The following SPOCK2 variants were observed in gnomAD, a reference collection of about 807,000 sequenced individuals.
The protein encoded by SPOCK2 is testican-2.
A neutral mutation model predicts 60.1 loss-of-function variants in SPOCK2; 39 were observed. That is an observed-to-expected ratio of 0.65 (90% CI 0.50 to 0.85). The LOEUF is 0.85. SPOCK2 is among the 40% of genes least tolerant of loss of function. The pLI, the probability that SPOCK2 is intolerant of heterozygous loss-of-function variation, is 0.00. For missense variants in SPOCK2, 523 were observed against 567.4 expected (o/e 0.92, Z 0.80); for synonymous variants, 217 against 231.5 (o/e 0.94, Z 0.57).
intron 1 of SPOCK2, among the ~76,000 whole-genome samples, chr10:72,079,392 A>C (rs1589124400): frequency 6.6e-6 from 1 of 151,750 alleles, no homozygotes; most frequent in African/African-American, 2.4e-5. Context: ...AGGGGAAGAC[A>C]CCTGGGGGCC....
chr10:72,078,983 A>G (rs933737206), intron 1 of SPOCK2, among the ~76,000 whole-genome samples: 8 of 152,210 alleles, frequency 5.3e-5, no homozygotes, highest in Admixed American at 5.2e-4. Flanking sequence ...ACTCCTAACA[A>G]TAGCTGACAT....
intron 7 of SPOCK2, 95 bp from the exon 8 acceptor site, chr10:72,067,215 T>A: frequency 2.3e-6 from 3 of 1,281,982 alleles, no homozygotes; most frequent in Non-Finnish European, 3.2e-6. Context: ...CCCAGCCCTC[T>A]ATTCTGGGTC....
chr10:72,081,519 T>C (rs1401587531), intron 1 of SPOCK2, among the ~76,000 whole-genome samples: 1 of 152,172 alleles, frequency 6.6e-6, no homozygotes, highest in Non-Finnish European at 1.5e-5. Context: ...GTCTCCACCA[T>C]CCACATGTCT....
At chr10:72,073,766 A>T (rs1248003493) in intron 1 of SPOCK2, among the ~76,000 whole-genome samples, 1 of 152,242 alleles carries the variant, frequency 6.6e-6, no homozygotes, top group African/African-American at 2.4e-5. Flanking sequence ...TGGACCGCAG[A>T]GTGGCCAGAG....
Position 72,088,346 on chromosome 10 carries a change from CT to C in SPOCK2, c.-19del, listed in dbSNP as rs1840894598. The C allele has an allele frequency of 1.0e-5, 15 of 1,497,732 alleles. No homozygotes were observed. Among genetic ancestry groups the C allele is most frequent in the Non-Finnish European group, 1.3e-5 (15 of 1,139,078 alleles). The allele number at this position is 1,497,732 out of a possible 1,614,324, so 92.8% of individuals were successfully genotyped here. A position where few individuals can be genotyped will look rare whatever the true frequency, so the allele number is the denominator to read the frequency against. On this transcript the variant is annotated 5_prime_UTR_variant, in exon 1 of 11. Transcript: ENST00000373109. ...GCGCGCATCGTGGTCTGGGTTCGAC[CT>C]GGGGGGGTCTTGACTTCTGCAGTAT...
intron 1 of SPOCK2, among the ~76,000 whole-genome samples, chr10:72,077,741 G>C (rs972371346): frequency 2.0e-5 from 3 of 152,168 alleles, no homozygotes; most frequent in Non-Finnish European, 4.4e-5. Context: ...GGCCCTGGGA[G>C]AACCCAGGCT....
At chr10:72,075,045 G>A (rs1840698345) in intron 1 of SPOCK2, among the ~76,000 whole-genome samples, 1 of 152,054 alleles carries the variant, frequency 6.6e-6, no homozygotes. Context: ...TGAGCCCCCA[G>A]GCAAGCCTCT....
At chr10:72,068,337 G>A in intron 5 of SPOCK2, 36 bp from the exon 6 acceptor site, 2 of 1,557,592 alleles carry the variant, frequency 1.3e-6, no homozygotes, top group Non-Finnish European at 1.7e-6. Context: ...GGGACTGAGG[G>A]CTTACCCCAG....
chr10:72,068,483 G>A (rs183929611), intron 5 of SPOCK2, among the ~76,000 whole-genome samples, 182 bp from the exon 6 acceptor site: 1 of 152,276 alleles, frequency 6.6e-6, no homozygotes, highest in Admixed American at 6.5e-5. Flanking sequence ...AGAGAAGCAG[G>A]GCCCGGGAAG....
chr10:72,062,453 C>T lies in SPOCK2; in HGVS notation c.*307G>A, dbSNP rs1840503653. The stretch of plus-strand genomic sequence containing the variant: ...AAACCAACAACAAAAGGAAAGAAAA[C>T]AGCTACAAGGAGGCCGAAGGGGCCT... On this transcript the variant is annotated 3_prime_UTR_variant, in exon 11 of 11. Transcript: ENST00000373109. This position sits in a 1 kb window ranked among gnomAD's most constrained non-coding sequence, Gnocchi z 4.3. 4.9e-6 allele frequency: 2 copies of T among 408,486 alleles called. No individual in the cohort carries two copies. Among genetic ancestry groups the T allele is most frequent in the South Asian group, 6.0e-5 (1 of 16,546 alleles). 25.3% of individuals were successfully genotyped at this position (408,486 alleles called of 1,614,324 possible). A position where few individuals can be genotyped will look rare whatever the true frequency, so the allele number is the denominator to read the frequency against.
chr10:72,063,519 C>T (rs1281195635), intron 9 of SPOCK2, among the ~76,000 whole-genome samples: 1 of 152,234 alleles, frequency 6.6e-6, no homozygotes, highest in Non-Finnish European at 1.5e-5. Flanking sequence ...TTCCGCCGGC[C>T]TGGCTGTCCC....
chr10:72,062,624 G>A lies in SPOCK2; in HGVS notation c.*136C>T. 1 of 1,469,754 alleles carries A rather than the reference G, an allele frequency of 6.8e-7. No homozygotes were observed. Among genetic ancestry groups the A allele is most frequent in the East Asian group, 2.3e-5 (1 of 43,974 alleles). The allele number at this position is 1,469,754 out of a possible 1,614,324, so 91.0% of individuals were successfully genotyped here. On this transcript the variant is annotated 3_prime_UTR_variant, in exon 11 of 11. Transcript: ENST00000373109. The surrounding 1 kb of genome is among the most constrained non-coding windows in gnomAD (Gnocchi z 4.3). The stretch of plus-strand genomic sequence containing the variant: ...GCCATCTGTGCCACACACATGCCAT[G>A]CACACTCACACTCCCAGTCCCCCCA...
chr10:72,075,701 T>G (rs1224425123), intron 1 of SPOCK2, among the ~76,000 whole-genome samples: 3 of 152,166 alleles, frequency 2.0e-5, no homozygotes, highest in Non-Finnish European at 4.4e-5. Context: ...GCCCCTTCTG[T>G]GCAAAGCACT....
rs1049247865 is a variant in SPOCK2 at position 72,087,247 on chromosome 10, C to G, written c.189+893G>C. On this transcript the variant is annotated intron_variant, in intron 1 of 10. Coordinates refer to ENST00000373109, the MANE Select transcript of SPOCK2 (RefSeq NM_001244950.2). The surrounding 1 kb of genome is among the most constrained non-coding windows in gnomAD (Gnocchi z 4.7). ...CGCCGGGCCGCCGCCTGCGACTTCC[C>G]CTCTGATCCACAGGTGCCGGTAAAC... Among the ~76,000 whole-genome samples, 1 of 152,084 alleles carries G rather than the reference C, an allele frequency of 6.6e-6. No individual in the cohort carries two copies. The highest frequency in any genetic ancestry group is 1.5e-5 in the Non-Finnish European group (1 of 68,004).
At chr10:72,067,826 G>A in intron 6 of SPOCK2, 94 bp from the exon 7 acceptor site, 1 of 1,527,716 alleles carries the variant, frequency 6.5e-7, no homozygotes, top group Non-Finnish European at 8.8e-7. Context: ...CCAGGAGGCT[G>A]GGCAGGGGTC....
chr10:72,088,242 G>GAGC lies in SPOCK2; in HGVS notation c.84_86dup (p.Leu29dup). The GAGC allele has an allele frequency of 6.2e-7, 1 of 1,611,400 alleles. No individual in the cohort carries two copies. Among genetic ancestry groups the GAGC allele is most frequent in the South Asian group, 1.1e-5 (1 of 90,882 alleles). On this transcript the variant is annotated inframe_insertion, in exon 1 of 11. Transcript: ENST00000373109. ...AATTGCCGGGGGTCTCGCCCTCCTT[G>GAGC]AGCCCCTTGGCGTCGCCTTCGGCCA...
chr10:72,066,736 TTAAGGGATGAAGCCC>T (rs898768790), intron 8 of SPOCK2, among the ~76,000 whole-genome samples, 151 bp downstream of exon 8: 1 of 152,132 alleles, frequency 6.6e-6, no homozygotes, highest in African/African-American at 2.4e-5. Flanking sequence ...TCCCTGGGCC[TTAAGGGATGAAGCCC>T]TAAGGGAGTG....
intron 1 of SPOCK2, among the ~76,000 whole-genome samples, chr10:72,085,632 C>T (rs2131824925): frequency 6.6e-6 from 1 of 152,258 alleles, no homozygotes; most frequent in East Asian, 1.9e-4. Flanking sequence ...ACTCGTCCTG[C>T]TTGCCTCCAC....
rs545797458 is a variant in SPOCK2, at chr10:72,087,639, C to G, written c.189+501G>C. On this transcript the variant is annotated intron_variant, in intron 1 of 10. Coordinates refer to ENST00000373109, the MANE Select transcript of SPOCK2 (RefSeq NM_001244950.2). This position sits in a 1 kb window ranked among gnomAD's most constrained non-coding sequence, Gnocchi z 4.7. ...CATGCTGTCCCCCTCCCGCAAAGCC[C>G]ACGGTGGGAACAGAGGGCACCGCGC... is the stretch of plus-strand genomic sequence containing the variant. Among the ~76,000 whole-genome samples, 2 of 152,308 alleles carry G rather than the reference C, an allele frequency of 1.3e-5. No homozygotes were observed. The highest frequency in any genetic ancestry group is 4.8e-5 in the African/African-American group (2 of 41,582).
Sources: gnomAD v4.1 joint callset for allele counts (sites outside exome capture counted in the v4.1 genomes callset) on GRCh38, gnomAD v4.1.1 for gene constraint, Gnocchi (gnomAD v3.1) non-coding constraint, MANE v1.5 for transcripts, NCBI Gene and HGNC (gene_info 2026-07-23, HGNC 2026-07-21) for gene names.